Variants in MAGI1 observed in about 807,000 individuals in gnomAD.
The protein encoded by MAGI1 is membrane associated guanylate kinase, WW and PDZ domain containing 1.
MAGI1 carries 58 observed loss-of-function variants against 139.9 expected under a neutral mutation model. The observed-to-expected ratio is 0.41, with a 90% CI of 0.34 to 0.52. MAGI1 has a LOEUF of 0.52. Ranked by LOEUF, MAGI1 falls within the 20% of genes least tolerant of loss-of-function variation. MAGI1 has a pLI of 0.12. For missense variants in MAGI1, 1,874 were observed against 1,901.6 expected, an observed-to-expected ratio of 0.99 and a Z score of 0.27; for synonymous variants, 812 against 737.9, an observed-to-expected ratio of 1.10 and a Z score of -1.63.
Position 65,379,248 on chromosome 3 carries a change from G to A in MAGI1, c.2995+13C>T, listed in dbSNP as rs768303906. ...GGTGGGAAACCCTGGGTAATTTCAC[G>A]TTCAGCACTCACCAAAGGTCGTGCC... On this transcript the variant is annotated intron_variant, in intron 17 of 22. Coordinates refer to ENST00000402939, the MANE Select transcript of MAGI1 (RefSeq NM_001033057.2). 1.4e-5 allele frequency: 23 copies of A among 1,609,910 alleles called. No homozygotes were observed. The highest frequency in any genetic ancestry group is 1.6e-5 in the Non-Finnish European group (19 of 1,178,012).
At chr3:65,674,852 A>C (rs1204870488) in intron 1 of MAGI1, among the ~76,000 whole-genome samples, 2 of 152,192 alleles carry the variant, frequency 1.3e-5, no homozygotes, top group East Asian at 3.9e-4. Context: ...AATGAGGATT[A>C]ATCTCATCAC....
chr3:65,850,621 A>C (rs1229586785), intron 1 of MAGI1, among the ~76,000 whole-genome samples: 2 of 152,202 alleles, frequency 1.3e-5, no homozygotes, highest in Non-Finnish European at 2.9e-5. Flanking sequence ...TGTCAAAGTA[A>C]TGTTGGGCTT....
intron 2 of MAGI1, among the ~76,000 whole-genome samples, chr3:65,532,462 C>T (rs981197940): frequency 2.6e-5 from 4 of 152,146 alleles, no homozygotes; most frequent in South Asian, 2.1e-4. Context: ...TGTGGCCTAC[C>T]GGCAGCTAGA....
At position 65,576,469 on chromosome 3, in the gene MAGI1, T is replaced by C. The variant is rs969689316; in HGVS notation, c.430+45503A>G. 3.9e-5 allele frequency among the ~76,000 whole-genome samples: 6 copies of C among 152,322 alleles called. No individual in the cohort carries two copies. In the East Asian group the frequency reaches 5.8e-4, roughly 15 times the overall value. ...TCCAGCTCTAACAGGCTGGAGCTAA[T>C]ACAAATGGTGAACCCGCTCTGCCAT... On this transcript the variant is annotated intron_variant, in intron 2 of 22. Transcript: ENST00000402939.
rs186828830 is a variant in MAGI1, at chr3:65,770,943, G to A, written c.314-148855C>T. On this transcript the variant is annotated intron_variant, in intron 1 of 22. Transcript: ENST00000402939. The stretch of plus-strand genomic sequence containing the variant: ...CCTAACCTCGTGATCCACCCACCTC[G>A]GCCTCCCAAAGTGCTGGGATTACAA... Among the ~76,000 whole-genome samples, 1,219 of 151,858 alleles carry A rather than the reference G, an allele frequency of 8.0e-3. 10 individuals carry two copies. Among genetic ancestry groups the A allele is most frequent in the Non-Finnish European group, 0.012 (842 of 67,914 alleles).
chr3:65,708,423 T>C (rs1035322125), intron 1 of MAGI1, among the ~76,000 whole-genome samples: 8 of 152,180 alleles, frequency 5.3e-5, no homozygotes, highest in Admixed American at 3.3e-4. Flanking sequence ...GCTTCACTGA[T>C]AGAGGTGACA....
chr3:66,028,629 G>A (rs1239491065), intron 1 of MAGI1, among the ~76,000 whole-genome samples: 2 of 152,024 alleles, frequency 1.3e-5, no homozygotes, highest in Non-Finnish European at 2.9e-5. Context: ...GTAAAAGCCT[G>A]CCTGAACACG....
chr3:65,812,468 T>TCTCACACACACACACACACA (rs1176899313), intron 1 of MAGI1, among the ~76,000 whole-genome samples: 17 of 89,164 alleles, frequency 1.9e-4, no homozygotes, highest in African/African-American at 5.4e-4. Flanking sequence ...TCTCTCTCTC[T>TCTCACACACACACACACACA]CACACACACA....
At chr3:66,023,633 T>C (rs2068077979) in intron 1 of MAGI1, among the ~76,000 whole-genome samples, 1 of 152,206 alleles carries the variant, frequency 6.6e-6, no homozygotes, top group African/African-American at 2.4e-5. Flanking sequence ...TGTCCACTCC[T>C]GGGGTAAAGG....
At chr3:65,440,543 G>GTT (rs1948211608) in intron 8 of MAGI1, among the ~76,000 whole-genome samples, 1 of 152,104 alleles carries the variant, frequency 6.6e-6, no homozygotes, top group African/African-American at 2.4e-5. Flanking sequence ...AACATACAAT[G>GTT]CCAGAACTGC....
chr3:65,449,462 T>C (rs1041573845), intron 6 of MAGI1, among the ~76,000 whole-genome samples: 5 of 152,260 alleles, frequency 3.3e-5, no homozygotes, highest in African/African-American at 1.2e-4. Flanking sequence ...GTCACTGTGC[T>C]AGGTGACATA....
intron 1 of MAGI1, among the ~76,000 whole-genome samples, chr3:65,913,156 C>G (rs2372398): frequency 0.58 from 88,279 of 151,832 alleles, 26,434 homozygotes; most frequent in East Asian, 0.75. Context: ...AGATACTCAG[C>G]AGGCTGAGGC....
Position 65,497,886 on chromosome 3 carries a change from G to C in MAGI1, c.431-4255C>G, listed in dbSNP as rs374185534. ...GATGCCTTAGAGCAGCATGGGAAGG[G>C]AGTGGGAAGGCGGGCAAGTCTCCAC... On this transcript the variant is annotated intron_variant, in intron 2 of 22. Transcript: ENST00000402939. Among the ~76,000 whole-genome samples, 19 of 152,230 alleles carry C rather than the reference G, an allele frequency of 1.2e-4. No homozygotes were observed. In the East Asian group the frequency reaches 3.3e-3, roughly 26 times the overall value.
At chr3:66,017,435 T>A (rs184966043) in intron 1 of MAGI1, among the ~76,000 whole-genome samples, 1 of 151,982 alleles carries the variant, frequency 6.6e-6, no homozygotes, top group African/African-American at 2.4e-5. Flanking sequence ...CTCCAGGGGG[T>A]CACCTACCCT....
At chr3:65,590,613 C>T (rs933167216) in intron 2 of MAGI1, among the ~76,000 whole-genome samples, 5 of 152,262 alleles carry the variant, frequency 3.3e-5, no homozygotes, top group Admixed American at 2.6e-4. Flanking sequence ...AGCTGTCCCC[C>T]CCATTCGTCT....
At chr3:65,484,279 A>G (rs1951478409) in intron 3 of MAGI1, among the ~76,000 whole-genome samples, 1 of 152,138 alleles carries the variant, frequency 6.6e-6, no homozygotes, top group South Asian at 2.1e-4. Context: ...AACGCCTGCC[A>G]TGGAGTTACA....
intron 1 of MAGI1, among the ~76,000 whole-genome samples, chr3:65,702,114 C>A (rs1446019957): frequency 6.6e-6 from 1 of 152,100 alleles, no homozygotes; most frequent in East Asian, 1.9e-4. Flanking sequence ...GGTTTCTGAT[C>A]AGTATTCAGT....
At chr3:65,517,643 T>C (rs1344143202) in intron 2 of MAGI1, among the ~76,000 whole-genome samples, 1 of 152,154 alleles carries the variant, frequency 6.6e-6, no homozygotes, top group Non-Finnish European at 1.5e-5. Flanking sequence ...CATAAGTTGG[T>C]TCCAGTCTCC....
At chr3:65,601,950 C>A (rs2082503829) in intron 2 of MAGI1, among the ~76,000 whole-genome samples, 1 of 152,050 alleles carries the variant, frequency 6.6e-6, no homozygotes, top group African/African-American at 2.4e-5. Flanking sequence ...CAAAGGAATT[C>A]AATAGGCATT....
Sources: gnomAD v4.1 joint callset for allele counts (sites outside exome capture counted in the v4.1 genomes callset) on GRCh38, gnomAD v4.1.1 for gene constraint, MANE v1.5 for transcripts, NCBI Gene and HGNC (gene_info 2026-07-23, HGNC 2026-07-21) for gene names.